The following PLAUR variants were observed in gnomAD, a reference collection of about 807,000 sequenced individuals.
The protein encoded by PLAUR is plasminogen activator, urokinase receptor, also known as urokinase plasminogen activator surface receptor.
A neutral mutation model predicts 33.4 loss-of-function variants in PLAUR; 22 were observed. The observed-to-expected ratio is 0.66, with a 90% CI of 0.47 to 0.94. PLAUR has a LOEUF of 0.94. Ranked by LOEUF, PLAUR falls within the 40% of genes least tolerant of loss-of-function variation. The pLI, the probability that PLAUR is intolerant of heterozygous loss-of-function variation, is 0.00. For missense variants in PLAUR, 408 were observed against 434.7 expected (o/e 0.94, Z 0.55); for synonymous variants, 148 against 167.3 (o/e 0.88, Z 0.89).
intron 5 of PLAUR, among the ~76,000 whole-genome samples, chr19:43,654,003 A>G (rs1974103380): frequency 6.6e-6 from 1 of 151,942 alleles, no homozygotes; most frequent in African/African-American, 2.4e-5. Flanking sequence ...GGGTGCCTGT[A>G]GTCCCAGCCA....
rs370293472 is a variant in PLAUR at position 43,650,332 on chromosome 19, G to T, written c.755-1189C>A. On this transcript the variant is annotated intron_variant, in intron 6 of 6. Transcript: ENST00000340093. ...CTGGTTTTTTTTTTGTTGTTTCTTTGTTTGTTTTTTTAAGACAGGGTCTCG... is the reference window on the plus strand; with the variant it reads ...CTGGTTTTTTTTTTGTTGTTTCTTTTTTTGTTTTTTTAAGACAGGGTCTCG... Among the ~76,000 whole-genome samples, 46 of 149,662 alleles carry T rather than the reference G, an allele frequency of 3.1e-4. 1 individual carries two copies. The East Asian group carries it at 8.0e-3, about 26-fold the overall frequency.
At chr19:43,649,746 GAAAA>G (rs145123727) in intron 6 of PLAUR, among the ~76,000 whole-genome samples, 1 of 150,642 alleles carries the variant, frequency 6.6e-6, no homozygotes, top group East Asian at 1.9e-4. Context: ...GAAAAGGAAA[GAAAA>G]AAAAAGAAAG....
downstream of PLAUR, chr19:43,646,549 C>G (rs1600107453): frequency 1.4e-6 from 1 of 717,330 alleles, no homozygotes; most frequent in Non-Finnish European, 2.6e-6. Context: ...AGTGAGCGTT[C>G]TAAGATTCAG....
chr19:43,654,616 C>A (rs978386188), intron 5 of PLAUR, among the ~76,000 whole-genome samples: 8 of 151,996 alleles, frequency 5.3e-5, no homozygotes, highest in African/African-American at 1.7e-4. Context: ...CACCTGTAGT[C>A]GCAGCTACTC....
Position 43,655,553 on chromosome 19 carries a change from G to A in PLAUR, c.493C>T (p.His165Tyr), listed in dbSNP as rs1974174987. Reference protein sequence around the residue: ...GEEGRPKDDRHLRGCGYLPGC... With the variant: ...GEEGRPKDDRYLRGCGYLPGC... ...GGAAGGTAGCCACAGCCACGGAGGT[G>A]GCGGTCATCCTTTGGACGCCCTATG... Residue 165 changes from histidine to tyrosine, a missense_variant, in exon 5 of 7, where the codon CAC (histidine) becomes TAC (tyrosine). Transcript: ENST00000340093. The A allele has an allele frequency of 1.9e-6, 3 of 1,614,194 alleles. No individual in the cohort carries two copies. Among genetic ancestry groups the A allele is most frequent in the Non-Finnish European group, 2.5e-6 (3 of 1,180,006 alleles).
downstream of PLAUR, chr19:43,646,380 G>A (rs920131254): frequency 7.1e-6 from 5 of 699,910 alleles, no homozygotes; most frequent in African/African-American, 7.1e-5. Context: ...ACATGTCCAA[G>A]GTGGCTTCTT....
intron 3 of PLAUR, 177 bp from the exon 4 acceptor site, chr19:43,656,817 T>C: frequency 1.8e-6 from 1 of 567,086 alleles, no homozygotes; most frequent in Non-Finnish European, 3.1e-6. Context: ...TCCAGCCCCA[T>C]GGACCAGTCC....
At chr19:43,659,770 C>T (rs867650550) in intron 3 of PLAUR, among the ~76,000 whole-genome samples, 26 of 152,342 alleles carry the variant, frequency 1.7e-4, no homozygotes, top group African/African-American at 2.9e-4. Flanking sequence ...GTGCATCAAC[C>T]GACATGCTTC....
chr19:43,665,676 A>AT (rs1014531944), intron 2 of PLAUR, among the ~76,000 whole-genome samples: 15 of 143,006 alleles, frequency 1.0e-4, no homozygotes, highest in African/African-American at 4.0e-4. Flanking sequence ...TAATTAATTA[A>AT]TTTTTTTTTC....
chr19:43,648,697 G>T lies in PLAUR; in HGVS notation c.*193C>A. ...AACAAGAGCTCTCCCATTGGCCCAC[G>T]GCCTTCCTCCAGCTTTTCTCTTCTG... On this transcript the variant is annotated 3_prime_UTR_variant, in exon 7 of 7. Transcript: ENST00000340093. 1 of 790,834 alleles carries T rather than the reference G, an allele frequency of 1.3e-6. No individual in the cohort carries two copies. The highest frequency in any genetic ancestry group is 3.9e-4 in the Middle Eastern group (1 of 2,540). 49.0% of individuals were successfully genotyped at this position (790,834 alleles called of 1,614,324 possible).
At position 43,665,412 on chromosome 19, in the gene PLAUR, T is replaced by G; in HGVS notation, c.214A>C (p.Lys72Gln). The G allele has an allele frequency of 6.2e-7, 1 of 1,613,398 alleles. No homozygotes were observed. The highest frequency in any genetic ancestry group is 1.3e-5 in the African/African-American group (1 of 74,762). The change falls in exon 3 of 7, where the codon AAG becomes CAG. Residue 72 changes from lysine to glutamine, a missense_variant. Lys to Gln is a moderately conservative substitution (Grantham distance 53). Transcript: ENST00000340093. ...LVEKSCTHSEKTNRTLSYRTG... is the reference protein window; with the variant it reads ...LVEKSCTHSEQTNRTLSYRTG... ...CGATAGCTCAGGGTCCTGTTGGTCT[T>G]CTCTGAGTGGGTACAGCTTTTCTCC...
rs1313639288 is a variant in PLAUR at position 43,665,344 on chromosome 19, C to T, written c.282G>A (p.Gly94=). ...KITSLTEVVC[G]LDLCNQGNSG... ...AGTTGCCCTGGTTGCACAAGTCTAA[C>T]CCACACACAACCTCGGTAAGGCTGG... is the stretch of plus-strand genomic sequence containing the variant. The change falls in exon 3 of 7, where the codon GGG becomes GGA. Residue 94 remains glycine (G), a synonymous_variant. Coordinates refer to ENST00000340093, the MANE Select transcript of PLAUR (RefSeq NM_002659.4). 16 of 1,613,846 alleles carry T rather than the reference C, an allele frequency of 9.9e-6. No homozygotes were observed. The highest frequency in any genetic ancestry group is 1.3e-5 in the Non-Finnish European group (15 of 1,179,996).
chr19:43,648,799 A>G lies in PLAUR; in HGVS notation c.*91T>C, dbSNP rs1398416056. 1 of 1,363,686 alleles carries G rather than the reference A, an allele frequency of 7.3e-7. No individual in the cohort carries two copies. Among genetic ancestry groups the G allele is most frequent in the Non-Finnish European group, 1.0e-6 (1 of 984,924 alleles). The allele number at this position is 1,363,686 out of a possible 1,614,324, so 84.5% of individuals were successfully genotyped here. A position where few individuals can be genotyped will look rare whatever the true frequency, so the allele number is the denominator to read the frequency against. On this transcript the variant is annotated 3_prime_UTR_variant, in exon 7 of 7. Transcript: ENST00000340093. ...CCAGAGAGGTCGGCACACTGGCCTG[A>G]GGTCACACAGCAAGTCTGTAGGGCT...
rs1442347761 is a variant in PLAUR at position 43,648,731 on chromosome 19, A to T, written c.*159T>A. The T allele has an allele frequency of 1.1e-6, 1 of 927,624 alleles. No homozygotes were observed. The highest frequency in any genetic ancestry group is 1.6e-6 in the Non-Finnish European group (1 of 629,392). The allele number at this position is 927,624 out of a possible 1,614,324, so 57.5% of individuals were successfully genotyped here. ...CCAGCTTTTCTCTTCTGCTTCACAC[A>T]ACTTTGTGAGATAGCTGTTTTCATA... On this transcript the variant is annotated 3_prime_UTR_variant, in exon 7 of 7. Coordinates refer to ENST00000340093, the MANE Select transcript of PLAUR (RefSeq NM_002659.4).
intron 3 of PLAUR, among the ~76,000 whole-genome samples, chr19:43,658,052 A>AG (rs1974283933): frequency 1.3e-5 from 2 of 152,080 alleles, no homozygotes; most frequent in Non-Finnish European, 2.9e-5. Context: ...TAAAAAAAAA[A>AG]AAGAAGAAGA....
At position 43,656,508 on chromosome 19, in the gene PLAUR, A is replaced by G; in HGVS notation, c.443T>C (p.Val148Ala). Residue 148 changes from valine to alanine, a missense_variant, in exon 4 of 7, where the codon GTG becomes GCG. Val to Ala is a moderately conservative substitution (Grantham distance 64). Coordinates refer to ENST00000340093, the MANE Select transcript of PLAUR (RefSeq NM_002659.4). ...TTCACCTTCCTGGATCCAGTGGGTCACCACATCCAGGCACTGTTCTTCAGG... is the reference window on the plus strand; with the variant it reads ...TTCACCTTCCTGGATCCAGTGGGTCGCCACATCCAGGCACTGTTCTTCAGG... ...RSPEEQCLDV[V>A]THWIQEGEEG... The G allele has an allele frequency of 6.2e-7, 1 of 1,602,850 alleles. No individual in the cohort carries two copies.
At chr19:43,665,518 C>T (rs919911105) in intron 2 of PLAUR, 59 bp from the exon 3 acceptor site, 2 of 1,570,626 alleles carry the variant, frequency 1.3e-6, no homozygotes, top group Non-Finnish European at 1.7e-6. Context: ...CAGCCTCTGA[C>T]ACTCCTGGTC....
Position 43,652,292 on chromosome 19 carries a change from AGAG to A in PLAUR, c.684_686del (p.Ser229del). 5 of 1,614,132 alleles carry A rather than the reference AGAG, an allele frequency of 3.1e-6. No homozygotes were observed. Among genetic ancestry groups the A allele is most frequent in the Non-Finnish European group, 4.2e-6 (5 of 1,179,970 alleles). ...GGCAGTCAATGAGGAAAGTCTCTTC[AGAG>A]GAGCATCCATGGGTGCTGTTCCCCT... On this transcript the variant is annotated inframe_deletion, in exon 6 of 7. Transcript: ENST00000340093.
chr19:43,663,686 C>A (rs1343326199), intron 3 of PLAUR, among the ~76,000 whole-genome samples: 7 of 151,630 alleles, frequency 4.6e-5, no homozygotes, highest in Admixed American at 4.6e-4. Context: ...GAGGCTGAGG[C>A]AGAAGAATCG....
Sources: allele counts gnomAD v4.1 joint callset (sites outside exome capture counted in the v4.1 genomes callset), GRCh38; gene constraint gnomAD v4.1.1; transcripts MANE v1.5; gene names NCBI Gene and HGNC (gene_info 2026-07-23, HGNC 2026-07-21).